The following WDR7 variants were observed in gnomAD, a reference collection of about 807,000 sequenced individuals.
WDR7 encodes WD repeat-containing protein 7.
WDR7 carries 46 observed loss-of-function variants against 169.4 expected under a neutral mutation model. That is an observed-to-expected ratio of 0.27 (90% CI 0.21 to 0.35). WDR7 has a LOEUF of 0.35. Among genes scored for constraint, WDR7 ranks in the 10% least tolerant of loss-of-function variants. The pLI is 1.00. For synonymous variants in WDR7, 612 were observed against 666.8 expected (o/e 0.92, Z 1.27); for missense variants, 1,534 against 1,859.3 (o/e 0.83, Z 3.22).
chr18:56,694,929 T>C, intron 10 of WDR7, 21 bp from the exon 11 acceptor site: 2 of 1,589,986 alleles, frequency 1.3e-6, no homozygotes, highest in Non-Finnish European at 1.7e-6. Context: ...TTTTCTTTTA[T>C]ACAAAACCAA....
chr18:56,901,333 A>G (rs1484531647), intron 21 of WDR7, among the ~76,000 whole-genome samples: 2 of 152,174 alleles, frequency 1.3e-5, no homozygotes, highest in African/African-American at 2.4e-5. Flanking sequence ...ATTGTTCTCT[A>G]TTTTGTTGCT....
intron 20 of WDR7, among the ~76,000 whole-genome samples, chr18:56,858,268 C>T (rs1349681525): frequency 6.6e-6 from 1 of 152,124 alleles, no homozygotes; most frequent in Non-Finnish European, 1.5e-5. Flanking sequence ...TCCTCTTTTC[C>T]ATGTTCACTG....
chr18:56,691,498 A>AT (rs941202556), intron 8 of WDR7, 137 bp downstream of exon 8: 70 of 1,123,396 alleles, frequency 6.2e-5, no homozygotes, highest in Non-Finnish European at 6.8e-5. Context: ...CTTAAGTTAG[A>AT]TTTTTAATTC....
chr18:56,902,297 A>G (rs966373583), intron 21 of WDR7, among the ~76,000 whole-genome samples: 6 of 152,230 alleles, frequency 3.9e-5, no homozygotes, highest in African/African-American at 1.2e-4. Flanking sequence ...CCCAGAAATC[A>G]TAGTGCTGAG....
chr18:56,655,326 A>T (rs960164987), intron 1 of WDR7, among the ~76,000 whole-genome samples: 1 of 152,220 alleles, frequency 6.6e-6, no homozygotes, highest in Non-Finnish European at 1.5e-5. Context: ...CTACCTCTGC[A>T]ATCAAGATAC....
chr18:56,868,711 A>G (rs772388912), intron 20 of WDR7, among the ~76,000 whole-genome samples: 4 of 152,126 alleles, frequency 2.6e-5, no homozygotes, highest in Non-Finnish European at 5.9e-5. Context: ...GTCACTACCC[A>G]CTGTGTTTCT....
intron 23 of WDR7, chr18:56,936,138 C>A: frequency 2.2e-6 from 1 of 452,586 alleles, no homozygotes; most frequent in South Asian, 4.6e-5. Flanking sequence ...AAAGTTAATT[C>A]ACTTATAAAT....
At position 56,929,034 on chromosome 18, in the gene WDR7, C is replaced by T. The variant is rs62098600; in HGVS notation, c.3713+4926C>T. 7.7e-3 allele frequency among the ~76,000 whole-genome samples: 1,170 copies of T among 152,204 alleles called. 13 individuals are homozygous for T. Among genetic ancestry groups the T allele is most frequent in the Non-Finnish European group, 0.014 (919 of 68,002 alleles). On this transcript the variant is annotated intron_variant, in intron 22 of 27. Transcript: ENST00000254442. ...ACATGATGGTTCACACCTGTAATCC[C>T]AGCACTCTGGGAGGCTGAGGCAGGA...
chr18:56,700,247 A>ATT (rs2025794017), intron 12 of WDR7, among the ~76,000 whole-genome samples: 2 of 72,412 alleles, frequency 2.8e-5, no homozygotes, highest in Non-Finnish European at 5.6e-5. Flanking sequence ...TTTATTTTTC[A>ATT]TTTTCTTTTT....
chr18:56,863,968 G>A (rs934605182), intron 20 of WDR7, among the ~76,000 whole-genome samples: 1 of 151,760 alleles, frequency 6.6e-6, no homozygotes, highest in African/African-American at 2.4e-5. Flanking sequence ...GATCTGTGAT[G>A]AGTTTTGGTT....
At chr18:56,719,517 G>C (rs558679616) in intron 13 of WDR7, among the ~76,000 whole-genome samples, 3 of 143,800 alleles carry the variant, frequency 2.1e-5, no homozygotes, top group East Asian at 2.0e-4. Flanking sequence ...AGCCAAGATC[G>C]CGCCACTGCA....
At chr18:56,989,368 G>T (rs1360254861) in intron 26 of WDR7, among the ~76,000 whole-genome samples, 3 of 152,012 alleles carry the variant, frequency 2.0e-5, no homozygotes, top group African/African-American at 4.8e-5. Flanking sequence ...TTATCTTATG[G>T]CTTTAAAAAA....
chr18:56,817,556 A>T (rs1225150177), intron 20 of WDR7, among the ~76,000 whole-genome samples: 1 of 152,106 alleles, frequency 6.6e-6, no homozygotes, highest in African/African-American at 2.4e-5. Flanking sequence ...CTGATTTTCA[A>T]TAAAAATGAG....
intron 21 of WDR7, among the ~76,000 whole-genome samples, chr18:56,907,934 C>A (rs1018874008): frequency 6.6e-6 from 1 of 152,132 alleles, no homozygotes; most frequent in Non-Finnish European, 1.5e-5. Flanking sequence ...GCTGTATATG[C>A]GGATGTGGTA....
intron 7 of WDR7, among the ~76,000 whole-genome samples, chr18:56,689,960 T>C (rs1343544165): frequency 2.6e-5 from 4 of 152,074 alleles, no homozygotes; most frequent in Non-Finnish European, 5.9e-5. Flanking sequence ...AGCTAGGATG[T>C]GTTCTAACTT....
At chr18:56,800,378 A>T (rs904658140) in intron 19 of WDR7, among the ~76,000 whole-genome samples, 1 of 152,138 alleles carries the variant, frequency 6.6e-6, no homozygotes, top group African/African-American at 2.4e-5. Flanking sequence ...CCACTTTGTC[A>T]TGTTTCCAGG....
chr18:56,925,965 T>G (rs1314706207), intron 22 of WDR7, among the ~76,000 whole-genome samples: 1 of 152,234 alleles, frequency 6.6e-6, no homozygotes, highest in Non-Finnish European at 1.5e-5. Flanking sequence ...AGCTTATATT[T>G]GCAAATTGCT....
intron 24 of WDR7, 107 bp downstream of exon 24, chr18:56,938,789 G>T: frequency 7.3e-7 from 1 of 1,361,150 alleles, no homozygotes; most frequent in Non-Finnish European, 1.0e-6. Context: ...AAGAGATGAA[G>T]GGTGAGAGAG....
At chr18:56,653,488 T>G (rs2024700677) in intron 1 of WDR7, among the ~76,000 whole-genome samples, 1 of 152,230 alleles carries the variant, frequency 6.6e-6, no homozygotes, top group Non-Finnish European at 1.5e-5. Flanking sequence ...ATTACAGGTG[T>G]GAGCCACCAC....
Sources: allele counts gnomAD v4.1 joint callset (sites outside exome capture counted in the v4.1 genomes callset), GRCh38; gene constraint gnomAD v4.1.1; transcripts MANE v1.5; gene names NCBI Gene and HGNC (gene_info 2026-07-23, HGNC 2026-07-21).